The following ARL15 variants were observed in gnomAD, a reference collection of about 807,000 sequenced individuals.
ARL15 encodes ARF like GTPase 15, also known as ADP-ribosylation factor-like protein 15.
ARL15 carries 19 observed loss-of-function variants against 25.2 expected under a neutral mutation model. The ratio of observed to expected loss-of-function variants is 0.75; its 90% CI spans 0.53 to 1.10. ARL15 has a LOEUF of 1.10. Among genes scored for constraint, ARL15 ranks in the 50% least tolerant of loss-of-function variants. The pLI is 0.00. For missense variants in ARL15, 220 were observed against 246.0 expected (o/e 0.89, Z 0.71); for synonymous variants, 94 against 86.8 (o/e 1.08, Z -0.46).
chr5:54,167,788 G>T (rs1203213023), intron 2 of ARL15, among the ~76,000 whole-genome samples: 1 of 152,060 alleles, frequency 6.6e-6, no homozygotes, highest in East Asian at 1.9e-4. Flanking sequence ...ATATTCCAAA[G>T]AGTTAAGGAG....
chr5:54,298,881 G>C (rs537893286), intron 1 of ARL15, among the ~76,000 whole-genome samples: 2 of 96,806 alleles, frequency 2.1e-5, no homozygotes, highest in South Asian at 3.1e-4. Flanking sequence ...TCTGGTTGCT[G>C]TTGGTTTTTT....
intron 1 of ARL15, among the ~76,000 whole-genome samples, chr5:54,275,072 T>C (rs923297638): frequency 1.3e-5 from 2 of 151,494 alleles, no homozygotes; most frequent in African/African-American, 4.9e-5. Context: ...GCCCATAGAG[T>C]CTCAATTATC....
At chr5:54,037,232 T>C (rs538174404) in intron 4 of ARL15, among the ~76,000 whole-genome samples, 141 of 152,186 alleles carry the variant, frequency 9.3e-4, no homozygotes, top group African/African-American at 3.3e-3. Flanking sequence ...GTATTAAATG[T>C]ATATTTCTTA....
At chr5:54,178,862 A>G (rs1754965853) in intron 1 of ARL15, among the ~76,000 whole-genome samples, 2 of 152,114 alleles carry the variant, frequency 1.3e-5, no homozygotes, top group African/African-American at 4.8e-5. Context: ...AAAATACAAC[A>G]CATTACAAAA....
intron 4 of ARL15, among the ~76,000 whole-genome samples, chr5:54,040,590 CT>C (rs1381608197): frequency 6.6e-6 from 1 of 152,162 alleles, no homozygotes; most frequent in Non-Finnish European, 1.5e-5. Flanking sequence ...GAGCTACTAA[CT>C]GCATTCATTA....
chr5:54,161,251 T>C (rs1042767697), intron 2 of ARL15, among the ~76,000 whole-genome samples: 7 of 152,156 alleles, frequency 4.6e-5, no homozygotes, highest in Non-Finnish European at 8.8e-5. Flanking sequence ...TTTATGCATA[T>C]AGTTTCCCTT....
intron 4 of ARL15, among the ~76,000 whole-genome samples, chr5:54,052,753 A>G (rs755165152): frequency 3.6e-4 from 55 of 151,878 alleles, no homozygotes; most frequent in Non-Finnish European, 7.1e-4. Context: ...ACACACACAC[A>G]TGCACACGTG....
At chr5:54,166,465 T>C (rs1480726168) in intron 2 of ARL15, among the ~76,000 whole-genome samples, 1 of 152,132 alleles carries the variant, frequency 6.6e-6, no homozygotes, top group African/African-American at 2.4e-5. Context: ...CTTCTCAAAG[T>C]ATTGGGATTA....
chr5:54,241,881 G>A (rs1039261867), intron 1 of ARL15, among the ~76,000 whole-genome samples: 1 of 152,146 alleles, frequency 6.6e-6, no homozygotes. Flanking sequence ...ACCAACTAGA[G>A]CAATAATTTT....
At chr5:53,890,752 T>TG (rs1744682816) in intron 4 of ARL15, among the ~76,000 whole-genome samples, 2 of 152,208 alleles carry the variant, frequency 1.3e-5, no homozygotes, top group Admixed American at 1.3e-4. Flanking sequence ...TTGGCATGAC[T>TG]GCGTTCCATT....
intron 1 of ARL15, among the ~76,000 whole-genome samples, chr5:54,287,892 G>T (rs1758222455): frequency 6.6e-6 from 1 of 152,130 alleles, no homozygotes; most frequent in South Asian, 2.1e-4. Context: ...GAAGGGCCAG[G>T]CTAACCTAAT....
intron 4 of ARL15, among the ~76,000 whole-genome samples, chr5:54,065,461 T>A (rs1218646665): frequency 1.3e-5 from 2 of 151,130 alleles, no homozygotes; most frequent in Non-Finnish European, 3.0e-5. Flanking sequence ...AGGTCAGGAG[T>A]TCGAGACCAG....
chr5:54,239,493 C>G (rs1756898028), intron 1 of ARL15, among the ~76,000 whole-genome samples: 1 of 152,142 alleles, frequency 6.6e-6, no homozygotes, highest in Admixed American at 6.5e-5. Flanking sequence ...GTCTGTGTCC[C>G]TGTAGAAGAG....
intron 1 of ARL15, among the ~76,000 whole-genome samples, chr5:54,235,160 G>T (rs1229140938): frequency 1.3e-5 from 2 of 152,180 alleles, no homozygotes; most frequent in Non-Finnish European, 2.9e-5. Flanking sequence ...CTTACAACCT[G>T]GGCATTCCAA....
intron 1 of ARL15, among the ~76,000 whole-genome samples, chr5:54,227,815 T>A (rs1756567358): frequency 6.6e-6 from 1 of 152,214 alleles, no homozygotes; most frequent in South Asian, 2.1e-4. Flanking sequence ...ACCCAGAGTC[T>A]ACAGAAATCA....
chr5:53,916,206 C>T (rs1425731638), intron 4 of ARL15, among the ~76,000 whole-genome samples: 1 of 150,976 alleles, frequency 6.6e-6, no homozygotes, highest in Admixed American at 6.6e-5. Context: ...TCTAAACGTA[C>T]TCACAAAATA....
intron 4 of ARL15, among the ~76,000 whole-genome samples, chr5:54,086,467 T>C (rs954580193): frequency 6.6e-6 from 1 of 151,788 alleles, no homozygotes; most frequent in East Asian, 1.9e-4. Flanking sequence ...AGTATATGTG[T>C]TTCGCAGTAG....
At chr5:53,957,497 T>TAGTA (rs1160464567) in intron 4 of ARL15, among the ~76,000 whole-genome samples, 1 of 151,220 alleles carries the variant, frequency 6.6e-6, no homozygotes, top group African/African-American at 2.4e-5. Context: ...GGACACTAGA[T>TAGTA]AGTAAGTCAA....
At position 53,987,975 on chromosome 5, in the gene ARL15, C is replaced by T. The variant is rs1156521620; in HGVS notation, c.463-101262G>A. ...AACATTAGCCGGGCATGGTGGCGTG[C>T]GCCTGTAGTCCCAGCTAATCCCGAG... On this transcript the variant is annotated intron_variant, in intron 4 of 4. Coordinates refer to ENST00000504924, the MANE Select transcript of ARL15 (RefSeq NM_019087.3). Among the ~76,000 whole-genome samples, 4 of 152,022 alleles carry T rather than the reference C, an allele frequency of 2.6e-5. No homozygotes were observed. In the East Asian group the frequency reaches 5.8e-4, roughly 22 times the overall value.
Sources: allele counts gnomAD v4.1 joint callset (sites outside exome capture counted in the v4.1 genomes callset), GRCh38; gene constraint gnomAD v4.1.1; transcripts MANE v1.5; gene names NCBI Gene and HGNC (gene_info 2026-07-23, HGNC 2026-07-21).